HECW2: variants seen among roughly 807,000 people sequenced by gnomAD.
HECW2 encodes HECT, C2 and WW domain containing E3 ubiquitin protein ligase 2.
In HECW2, 61 loss-of-function variants were observed where a neutral mutation model predicts 175.2. That is an observed-to-expected ratio of 0.35 (90% CI 0.28 to 0.43). The LOEUF is 0.43. Ranked by LOEUF, HECW2 falls within the 20% of genes least tolerant of loss-of-function variation. The probability of loss-of-function intolerance (pLI) is 1.00; values close to 1 mark genes in which losing one functional copy is unlikely to be tolerated. For synonymous variants in HECW2, 671 were observed against 731.0 expected (o/e 0.92, Z 1.32); for missense variants, 1,524 against 2,000.5 (o/e 0.76, Z 4.54).
intron 1 of HECW2, among the ~76,000 whole-genome samples, chr2:196,445,881 C>A (rs1334429052): frequency 6.6e-6 from 1 of 152,234 alleles, no homozygotes; most frequent in African/African-American, 2.4e-5. Context: ...ACTACCTTCA[C>A]TCTATCCAGC....
chr2:196,581,180 G>A (rs1690767036), intron 1 of HECW2, among the ~76,000 whole-genome samples: 1 of 152,204 alleles, frequency 6.6e-6, no homozygotes, highest in Non-Finnish European at 1.5e-5. Flanking sequence ...ATTTAGAGGT[G>A]ATGAAAAGGT....
intron 1 of HECW2, among the ~76,000 whole-genome samples, chr2:196,515,614 CA>C (rs1688121115): frequency 2.0e-5 from 3 of 152,188 alleles, no homozygotes; most frequent in Non-Finnish European, 1.5e-5. Flanking sequence ...ACCCAGAAAT[CA>C]TTTATTTCTC....
chr2:196,499,815 G>C (rs140537945), intron 1 of HECW2, among the ~76,000 whole-genome samples: 1 of 152,146 alleles, frequency 6.6e-6, no homozygotes, highest in Non-Finnish European at 1.5e-5. Context: ...CTCCTTTAAA[G>C]AACTCAAGTT....
chr2:196,415,948 C>T (rs1370977122), intron 2 of HECW2, among the ~76,000 whole-genome samples: 2 of 152,138 alleles, frequency 1.3e-5, no homozygotes, highest in African/African-American at 2.4e-5. Flanking sequence ...TTTCCAAGTG[C>T]ATGGTTTTAC....
intron 1 of HECW2, among the ~76,000 whole-genome samples, chr2:196,476,947 C>CAAAAAAAA (rs35714216): frequency 5.2e-5 from 3 of 57,404 alleles, no homozygotes; most frequent in Admixed American, 3.1e-4. Context: ...CCCATCTCCA[C>CAAAAAAAA]AAAAAAAAAA....
intron 2 of HECW2, among the ~76,000 whole-genome samples, chr2:196,404,819 C>CTTTT (rs71012909): frequency 8.7e-5 from 7 of 80,362 alleles, no homozygotes; most frequent in African/African-American, 2.7e-4. Flanking sequence ...TTTTTCTTCT[C>CTTTT]TTTTTTTTTT....
chr2:196,370,429 T>C (rs772697341), intron 2 of HECW2, among the ~76,000 whole-genome samples: 8 of 152,148 alleles, frequency 5.3e-5, no homozygotes, highest in Non-Finnish European at 7.4e-5. Context: ...CTTTCCTCTC[T>C]TCTCCTCAAG....
At position 196,570,045 on chromosome 2, in the gene HECW2, A is replaced by G. The variant is rs139498116; in HGVS notation, c.-36+23463T>C. 5.9e-5 allele frequency among the ~76,000 whole-genome samples: 9 copies of G among 152,374 alleles called. No individual in the cohort carries two copies. In the East Asian group the frequency reaches 1.7e-3, roughly 29 times the overall value. On this transcript the variant is annotated intron_variant, in intron 1 of 28. Coordinates refer to ENST00000644978, the MANE Select transcript of HECW2 (RefSeq NM_001348768.2). ...ACAGCAATACCTTGTTTCTGAAAAT[A>G]AAAGACACAAGAGATATCCAAATGC...
rs755847579 is a variant in HECW2 at position 196,307,361 on chromosome 2, C to T, written c.2586-128G>A. ...TATTTCCTCCTCCAACCCCCATTCC[C>T]TGGACTTCTTGGCCACCTGCTGTTT... On this transcript the variant is annotated intron_variant, in intron 11 of 28. Coordinates refer to ENST00000644978, the MANE Select transcript of HECW2 (RefSeq NM_001348768.2). The T allele has an allele frequency of 6.8e-5, 37 of 540,606 alleles. 1 individual carries two copies. In the Middle Eastern group the frequency reaches 8.4e-4, roughly 12 times the overall value. 33.5% of individuals were successfully genotyped at this position (540,606 alleles called of 1,614,324 possible). A position where few individuals can be genotyped will look rare whatever the true frequency, so the allele number is the denominator to read the frequency against.
chr2:196,363,569 G>A (rs773802606), intron 2 of HECW2, among the ~76,000 whole-genome samples: 4 of 152,192 alleles, frequency 2.6e-5, no homozygotes, highest in Non-Finnish European at 4.4e-5. Flanking sequence ...CATGGCTCAC[G>A]CCTATAATCC....
At chr2:196,507,057 G>A (rs1184149307) in intron 1 of HECW2, among the ~76,000 whole-genome samples, 3 of 152,076 alleles carry the variant, frequency 2.0e-5, no homozygotes, top group African/African-American at 7.2e-5. Flanking sequence ...ATGGAATATT[G>A]GCATAAAAGA....
intron 14 of HECW2, chr2:196,292,229 C>G (rs1454191281): frequency 5.0e-6 from 1 of 200,808 alleles, no homozygotes; most frequent in African/African-American, 2.3e-5. Context: ...ACCTACAACA[C>G]AAGCTGTATC....
chr2:196,525,701 T>A (rs1403221343), intron 1 of HECW2, among the ~76,000 whole-genome samples: 1 of 151,734 alleles, frequency 6.6e-6, no homozygotes, highest in African/African-American at 2.4e-5. Context: ...AGCATTTGCT[T>A]GTCTGTGAAG....
intron 1 of HECW2, among the ~76,000 whole-genome samples, chr2:196,436,505 G>T (rs1455556864): frequency 1.3e-5 from 2 of 151,704 alleles, no homozygotes; most frequent in East Asian, 3.9e-4. Context: ...AAGCATTAAG[G>T]ATACAACAGA....
chr2:196,460,510 T>G (rs529304283), intron 1 of HECW2, among the ~76,000 whole-genome samples: 1 of 151,798 alleles, frequency 6.6e-6, no homozygotes, highest in South Asian at 2.1e-4. Context: ...TTGCATGTAT[T>G]CATTTAGCTT....
chr2:196,275,289 T>C (rs923872077), intron 15 of HECW2, among the ~76,000 whole-genome samples: 2 of 152,146 alleles, frequency 1.3e-5, no homozygotes, highest in African/African-American at 2.4e-5. Context: ...TATTTGTCAA[T>C]TATACCTCAC....
rs187282776 is a variant in HECW2 at position 196,199,663 on chromosome 2, A to G, written c.*1614T>C. Reference sequence around the variant, plus strand: ...GTAAACCCATAGGCTGGCAAACCATATGTCAATCCAATGCTTTTATGACCC... The same window carrying G: ...GTAAACCCATAGGCTGGCAAACCATGTGTCAATCCAATGCTTTTATGACCC... On this transcript the variant is annotated 3_prime_UTR_variant, in exon 29 of 29. Transcript: ENST00000644978. 7 of 152,494 alleles carry G rather than the reference A, an allele frequency of 4.6e-5. No individual in the cohort carries two copies. The East Asian group carries it at 1.2e-3, about 25-fold the overall frequency. 9.4% of individuals were successfully genotyped at this position (152,494 alleles called of 1,614,324 possible).
At chr2:196,369,760 C>T (rs1693855828) in intron 2 of HECW2, among the ~76,000 whole-genome samples, 1 of 152,050 alleles carries the variant, frequency 6.6e-6, no homozygotes, top group Non-Finnish European at 1.5e-5. Context: ...CCACTCTGCC[C>T]TCATCTTTCC....
At chr2:196,396,760 T>C (rs1449583061) in intron 2 of HECW2, among the ~76,000 whole-genome samples, 1 of 151,940 alleles carries the variant, frequency 6.6e-6, no homozygotes, top group Non-Finnish European at 1.5e-5. Flanking sequence ...CCCCTCCAGT[T>C]CCAGCAAACT....
Sources: allele counts gnomAD v4.1 joint callset (sites outside exome capture counted in the v4.1 genomes callset), GRCh38; gene constraint gnomAD v4.1.1; transcripts MANE v1.5; gene names NCBI Gene and HGNC (gene_info 2026-07-23, HGNC 2026-07-21).